Variants in RBBP6 observed in about 807,000 individuals in gnomAD.
RBBP6 encodes the protein E3 ubiquitin-protein ligase RBBP6.
A neutral mutation model predicts 167.7 loss-of-function variants in RBBP6; 25 were observed. The observed-to-expected ratio is 0.15, with a 90% CI of 0.11 to 0.21. The LOEUF is 0.21. Ranked by LOEUF, RBBP6 falls within the 10% of genes least tolerant of loss-of-function variation. The pLI, the probability that RBBP6 is intolerant of heterozygous loss-of-function variation, is 1.00. For missense variants in RBBP6, 1,868 were observed against 2,134.2 expected, an observed-to-expected ratio of 0.88 and a Z score of 2.46; for synonymous variants, 789 against 735.8, an observed-to-expected ratio of 1.07 and a Z score of -1.17.
chr16:24,563,271 A>G lies in RBBP6; in HGVS notation c.1362A>G (p.Ala454=). 6.2e-7 allele frequency: 1 copy of G among 1,611,030 alleles called. No homozygotes were observed. The highest frequency in any genetic ancestry group is 8.5e-7 in the Non-Finnish European group (1 of 1,178,604). The change falls in exon 11 of 18, where the codon GCA becomes GCG. Residue 454 remains alanine, a synonymous_variant. Transcript: ENST00000319715. ...ACTCAAAGGGAACCTCCTCAATTGC[A>G]ATTACCGCTCTTATGGAAGAGAAGG... ...SEHSKGTSSI[A]ITALMEEKGY...
rs140253717 is a variant in RBBP6 at position 24,566,761 on chromosome 16, A to G, written c.1590-382A>G. Among the ~76,000 whole-genome samples, 11 of 152,256 alleles carry G rather than the reference A, an allele frequency of 7.2e-5. No homozygotes were observed. In the East Asian group the frequency reaches 1.5e-3, roughly 21 times the overall value. ...TGTCTCAAAAAATAAAAAATAAATGAATAAGTAAGCTTTTGGGGAGAGCTA... is the reference window on the plus strand; with the variant it reads ...TGTCTCAAAAAATAAAAAATAAATGGATAAGTAAGCTTTTGGGGAGAGCTA... On this transcript the variant is annotated intron_variant, in intron 14 of 17. Coordinates refer to ENST00000319715, the MANE Select transcript of RBBP6 (RefSeq NM_006910.5).
intron 3 of RBBP6, 133 bp from the exon 4 acceptor site, chr16:24,553,379 TC>T: frequency 1.5e-6 from 1 of 651,338 alleles, no homozygotes; most frequent in East Asian, 2.7e-5. Flanking sequence ...AGCTACATTT[TC>T]AAGCTTAACA....
At chr16:24,555,374 A>G in intron 4 of RBBP6, 1 of 388,354 alleles carries the variant, frequency 2.6e-6, no homozygotes, top group Non-Finnish European at 4.6e-6. Context: ...AATGTAAGGT[A>G]CAAACAGGGT....
In RBBP6 at chr16:24,571,299, G is replaced by A. The variant is rs201494303; in HGVS notation, c.4233G>A (p.Leu1411=). 8.7e-6 allele frequency: 14 copies of A among 1,613,864 alleles called. No individual in the cohort carries two copies. The African/African-American group carries it at 1.9e-4, about 22-fold the overall frequency. Reference sequence around the variant, plus strand: ...CCAAAGATCGAGATTATTCAGTGTTGGAAAAGGAGAACCCTGAAAAGAGGA... The same window carrying A: ...CCAAAGATCGAGATTATTCAGTGTTAGAAAAGGAGAACCCTGAAAAGAGGA... ...GKTKDRDYSV[L]EKENPEKRKN... Residue 1411 remains leucine, a synonymous_variant, in exon 18 of 18, where the codon TTG becomes TTA. Transcript: ENST00000319715.
Position 24,572,072 on chromosome 16 carries a change from T to G in RBBP6, c.5006T>G (p.Ile1669Arg). The G allele has an allele frequency of 6.2e-7, 1 of 1,613,856 alleles. No individual in the cohort carries two copies. Among genetic ancestry groups the G allele is most frequent in the South Asian group, 1.1e-5 (1 of 91,074 alleles). ...GNISKDLKDKIVEKAKESLDT... is the reference protein window; with the variant it reads ...GNISKDLKDKRVEKAKESLDT... The stretch of plus-strand genomic sequence containing the variant: ...ATTTCTAAGGACCTGAAAGATAAAA[T>G]AGTGGAGAAAGCAAAAGAGAGCCTG... The change falls in exon 18 of 18, where the codon ATA becomes AGA. Residue 1669 changes from isoleucine (I) to arginine (R), a missense_variant. Transcript: ENST00000319715.
rs1898446726 is a variant in RBBP6 at position 24,540,181 on chromosome 16, C to T, written c.-446C>T. On this transcript the variant is annotated 5_prime_UTR_variant, in exon 1 of 18. Coordinates refer to ENST00000319715, the MANE Select transcript of RBBP6 (RefSeq NM_006910.5). Reference sequence around the variant, plus strand: ...CTCAACCTTCTCCCGGGGCCTGGGTCACCCCAATCCACGGAGAGAGAGACC... The same window carrying T: ...CTCAACCTTCTCCCGGGGCCTGGGTTACCCCAATCCACGGAGAGAGAGACC... The T allele has an allele frequency of 6.4e-6, 1 of 156,168 alleles. No individual in the cohort carries two copies. The highest frequency in any genetic ancestry group is 1.8e-4 in the South Asian group (1 of 5,612). 9.7% of individuals were successfully genotyped at this position (156,168 alleles called of 1,614,324 possible).
intron 1 of RBBP6, among the ~76,000 whole-genome samples, chr16:24,544,705 T>G (rs1441472092): frequency 6.6e-6 from 1 of 152,202 alleles, no homozygotes; most frequent in East Asian, 1.9e-4. Flanking sequence ...GCAAATCTTT[T>G]TACCATAGTT....
chr16:24,546,733 G>A (rs1221943161), intron 2 of RBBP6, among the ~76,000 whole-genome samples: 1 of 152,146 alleles, frequency 6.6e-6, no homozygotes, highest in Non-Finnish European at 1.5e-5. Flanking sequence ...ATAATCATGG[G>A]CACTGAAATC....
chr16:24,556,231 T>C (rs1898909806), intron 6 of RBBP6, 77 bp from the exon 7 acceptor site: 25 of 1,215,136 alleles, frequency 2.1e-5, no homozygotes, highest in Non-Finnish European at 2.8e-5. Context: ...GTAAGCACTG[T>C]ATAACATTAG....
At chr16:24,564,121 G>A (rs578058687) in intron 13 of RBBP6, among the ~76,000 whole-genome samples, 43 of 152,022 alleles carry the variant, frequency 2.8e-4, no homozygotes, top group African/African-American at 9.6e-4. Context: ...GTCTGAAATC[G>A]AGTTGTTCTT....
At chr16:24,562,336 AT>A (rs1002756171) in intron 10 of RBBP6, among the ~76,000 whole-genome samples, 175 bp downstream of exon 10, 1 of 152,200 alleles carries the variant, frequency 6.6e-6, no homozygotes, top group Non-Finnish European at 1.5e-5. Flanking sequence ...AACGTGATTG[AT>A]TTGGCAAATG....
At position 24,570,134 on chromosome 16, in the gene RBBP6, A is replaced by G; in HGVS notation, c.3444A>G (p.Lys1148=). The G allele has an allele frequency of 6.3e-7, 1 of 1,587,092 alleles. No individual in the cohort carries two copies. The highest frequency in any genetic ancestry group is 1.4e-5 in the African/African-American group (1 of 72,964). Residue 1148 remains lysine, a synonymous_variant, in exon 17 of 18, where the codon AAA becomes AAG. Coordinates refer to ENST00000319715, the MANE Select transcript of RBBP6 (RefSeq NM_006910.5). ...TTGATAATAAGGGAGAAAAAAGAAA[A>G]AGAAAAACTGAAGAAAAAGGCGTAG... The part of the protein sequence containing the change: ...KPLDNKGEKR[K]RKTEEKGVDK...
chr16:24,549,074 A>C (rs1162614650), intron 3 of RBBP6, 93 bp downstream of exon 3: 11 of 1,555,192 alleles, frequency 7.1e-6, no homozygotes, highest in Non-Finnish European at 8.7e-6. Context: ...CTTAATATCC[A>C]ACTGATCATA....
chr16:24,566,590 A>G (rs1015829322), intron 14 of RBBP6, among the ~76,000 whole-genome samples: 2 of 152,076 alleles, frequency 1.3e-5, no homozygotes, highest in Non-Finnish European at 2.9e-5. Flanking sequence ...AAAATACAAA[A>G]ATTAGCTGGG....
At position 24,540,241 on chromosome 16, in the gene RBBP6, C is replaced by G. The variant is rs1317027253; in HGVS notation, c.-386C>G. 1.2e-5 allele frequency: 2 copies of G among 161,346 alleles called. No individual in the cohort carries two copies. Among genetic ancestry groups the G allele is most frequent in the Non-Finnish European group, 2.7e-5 (2 of 73,162 alleles). 10.0% of individuals were successfully genotyped at this position (161,346 alleles called of 1,614,324 possible). On this transcript the variant is annotated 5_prime_UTR_variant, in exon 1 of 18. Coordinates refer to ENST00000319715, the MANE Select transcript of RBBP6 (RefSeq NM_006910.5). ...GTGCGGCCGCGCTATGGACCCCTGA[C>G]CCCGTGGGGTCGCTCGGACTCTTAA...
intron 3 of RBBP6, among the ~76,000 whole-genome samples, chr16:24,551,826 A>T (rs1898803585): frequency 6.6e-6 from 1 of 151,822 alleles, no homozygotes; most frequent in Non-Finnish European, 1.5e-5. Context: ...GTTAGAATGT[A>T]GTATAGATGA....
intron 7 of RBBP6, among the ~76,000 whole-genome samples, chr16:24,557,682 G>A (rs1161055837): frequency 6.7e-6 from 1 of 149,342 alleles, no homozygotes; most frequent in Non-Finnish European, 1.5e-5. Flanking sequence ...GTGAAGTTAG[G>A]GGATCCTCAG....
chr16:24,545,469 T>C (rs1290359487), intron 1 of RBBP6, among the ~76,000 whole-genome samples: 2 of 152,204 alleles, frequency 1.3e-5, no homozygotes, highest in Non-Finnish European at 2.9e-5. Context: ...TAAATCAGTG[T>C]ATGGTCTATA....
chr16:24,570,072 GA>G lies in RBBP6; in HGVS notation c.3386del (p.Lys1129ArgfsTer28). 6.2e-7 allele frequency: 1 copy of G among 1,607,228 alleles called. No homozygotes were observed. Among genetic ancestry groups the G allele is most frequent in the South Asian group, 1.1e-5 (1 of 89,144 alleles). ...VKSEKLTTKEEKAKKPNEKNK... is the reference protein window; with the variant it reads ...VKSEKLTTKEXKAKKPNEKNK... ...ATCAGAAAAGCTAACAACTAAGGAA[GA>G]AAAGGCCAAGAAGCCTAATGAGAAA... On this transcript the variant is annotated frameshift_variant, in exon 17 of 18. Transcript: ENST00000319715. LOFTEE classifies it high-confidence loss of function.
Sources: allele counts gnomAD v4.1 joint callset (sites outside exome capture counted in the v4.1 genomes callset), GRCh38; gene constraint gnomAD v4.1.1; transcripts MANE v1.5; gene names NCBI Gene and HGNC (gene_info 2026-07-23, HGNC 2026-07-21).